Variants in AKAIN1 observed in about 807,000 individuals in gnomAD.
AKAIN1 encodes the protein A-kinase anchor protein inhibitor 1.
A neutral mutation model predicts 3.7 loss-of-function variants in AKAIN1; 3 were observed. The ratio of observed to expected loss-of-function variants is 0.82; its 90% CI spans 0.37 to 2.12. The LOEUF (loss-of-function observed/expected upper bound fraction) is 2.12. Ranked by LOEUF, AKAIN1 falls within the 30% of genes most tolerant of loss-of-function variation. The pLI is 0.06. For synonymous variants in AKAIN1, 31 were observed against 30.8 expected, an observed-to-expected ratio of 1.01 and a Z score of -0.02; for missense variants, 82 against 82.7, an observed-to-expected ratio of 0.99 and a Z score of 0.03.
At chr18:5,165,393 C>G (rs2071162269) in intron 1 of AKAIN1, among the ~76,000 whole-genome samples, 1 of 151,938 alleles carries the variant, frequency 6.6e-6, no homozygotes, top group Non-Finnish European at 1.5e-5. Flanking sequence ...TAAGAAAGAA[C>G]AGCAATGGCA....
At chr18:5,146,829 T>C (rs1392243119) in intron 1 of AKAIN1, among the ~76,000 whole-genome samples, 1 of 152,192 alleles carries the variant, frequency 6.6e-6, no homozygotes, top group Non-Finnish European at 1.5e-5. Context: ...AATAAAACTT[T>C]ATTTACAAAA....
At position 5,190,343 on chromosome 18, in the gene AKAIN1, A is replaced by C. The variant is rs188057002; in HGVS notation, c.16+6695T>G. Among the ~76,000 whole-genome samples the C allele has an allele frequency of 9.5e-4, 145 of 152,320 alleles. 2 individuals are homozygous for C. The East Asian group carries it at 0.024, about 25-fold the overall frequency. ...TATATTAAATAGAAAAGAGAATATT[A>C]CAAACAACTGTATTCATGAAAATTC... On this transcript the variant is annotated intron_variant, in intron 1 of 1. Transcript: ENST00000434239.
intron 1 of AKAIN1, among the ~76,000 whole-genome samples, chr18:5,173,296 A>G (rs2071207935): frequency 6.6e-6 from 1 of 152,174 alleles, no homozygotes; most frequent in African/African-American, 2.4e-5. Flanking sequence ...TGTATGTGTT[A>G]CATTTTATAG....
intron 1 of AKAIN1, among the ~76,000 whole-genome samples, chr18:5,155,085 A>G (rs2143318513): frequency 1.3e-5 from 2 of 152,162 alleles, no homozygotes; most frequent in Middle Eastern, 3.4e-3. Flanking sequence ...TTCCCATCCC[A>G]TCATTGCCCA....
chr18:5,156,264 C>T (rs2143321304), intron 1 of AKAIN1, among the ~76,000 whole-genome samples: 1 of 152,156 alleles, frequency 6.6e-6, no homozygotes, highest in East Asian at 1.9e-4. Flanking sequence ...ACAAAAAAAA[C>T]ACCCCCACCG....
At chr18:5,185,255 T>A (rs2071280233) in intron 1 of AKAIN1, among the ~76,000 whole-genome samples, 1 of 152,146 alleles carries the variant, frequency 6.6e-6, no homozygotes, top group Non-Finnish European at 1.5e-5. Context: ...GAAAATAACC[T>A]TGGAAATACC....
chr18:5,191,301 G>A (rs928864517), intron 1 of AKAIN1, among the ~76,000 whole-genome samples: 1 of 152,082 alleles, frequency 6.6e-6, no homozygotes, highest in African/African-American at 2.4e-5. Context: ...AGTGAAGCAA[G>A]AACATAGAAA....
intron 1 of AKAIN1, among the ~76,000 whole-genome samples, chr18:5,196,469 G>A (rs372331818): frequency 6.6e-6 from 1 of 152,234 alleles, no homozygotes. Context: ...CAGCGGCGCC[G>A]CAGTAGCTGC....
At chr18:5,166,133 T>C (rs1034167015) in intron 1 of AKAIN1, among the ~76,000 whole-genome samples, 3 of 152,044 alleles carry the variant, frequency 2.0e-5, no homozygotes, top group Non-Finnish European at 4.4e-5. Context: ...TAAGCATCTA[T>C]TAGTGTGAAG....
chr18:5,147,153 G>T (rs1382347486), intron 1 of AKAIN1, among the ~76,000 whole-genome samples: 14 of 152,214 alleles, frequency 9.2e-5, no homozygotes, highest in Non-Finnish European at 1.5e-5. Context: ...TTATTACAAG[G>T]ACCAGAGCCA....
In AKAIN1 at chr18:5,145,222, A is replaced by G. The variant is rs2143300438; in HGVS notation, c.*340T>C. 5.1e-6 allele frequency: 1 copy of G among 194,308 alleles called. No individual in the cohort carries two copies. The highest frequency in any genetic ancestry group is 1.3e-4 in the South Asian group (1 of 7,774). 12.0% of individuals were successfully genotyped at this position (194,308 alleles called of 1,614,324 possible). On this transcript the variant is annotated 3_prime_UTR_variant, in exon 2 of 2. Coordinates refer to ENST00000434239, the MANE Select transcript of AKAIN1 (RefSeq NM_001145194.2). ...CAAAAAGGCTGCTTGTTAAATTCACAGAAGGAACGCATAAAAGGCAGAAGT... is the reference window on the plus strand; with the variant it reads ...CAAAAAGGCTGCTTGTTAAATTCACGGAAGGAACGCATAAAAGGCAGAAGT...
chr18:5,155,940 C>G (rs1025591617), intron 1 of AKAIN1, among the ~76,000 whole-genome samples: 1 of 152,134 alleles, frequency 6.6e-6, no homozygotes, highest in Admixed American at 6.5e-5. Flanking sequence ...GAGACAAGGG[C>G]TGTTTTTATT....
chr18:5,156,041 G>A (rs454592), intron 1 of AKAIN1, among the ~76,000 whole-genome samples: 66,946 of 152,026 alleles, frequency 0.44, 17,514 homozygotes, highest in African/African-American at 0.74. Flanking sequence ...CATCCTCCCA[G>A]GAGTTCCGAA....
intron 1 of AKAIN1, among the ~76,000 whole-genome samples, chr18:5,172,881 G>T (rs545993684): frequency 1.3e-5 from 2 of 152,000 alleles, no homozygotes; most frequent in African/African-American, 4.8e-5. Flanking sequence ...AAATAGGTGT[G>T]GAATCTAAAT....
chr18:5,157,570 C>A (rs934151228), intron 1 of AKAIN1, among the ~76,000 whole-genome samples: 7 of 152,118 alleles, frequency 4.6e-5, no homozygotes, highest in Non-Finnish European at 7.4e-5. Flanking sequence ...CGTCCTCTCA[C>A]TTAGCAGACG....
intron 1 of AKAIN1, chr18:5,170,960 A>G (rs2071194432): frequency 6.6e-6 from 1 of 152,132 alleles, no homozygotes; most frequent in African/African-American, 2.4e-5. Flanking sequence ...CATGGGAGTG[A>G]ACAAGCCTCT....
intron 1 of AKAIN1, among the ~76,000 whole-genome samples, chr18:5,168,694 A>T (rs2071180405): frequency 6.6e-6 from 1 of 152,054 alleles, no homozygotes; most frequent in African/African-American, 2.4e-5. Context: ...AGACCAGGTA[A>T]TATCATCCCT....
intron 1 of AKAIN1, among the ~76,000 whole-genome samples, chr18:5,193,039 G>A (rs2071330568): frequency 6.6e-6 from 1 of 152,152 alleles, no homozygotes; most frequent in African/African-American, 2.4e-5. Context: ...AGTTATGACA[G>A]TCAGATATAT....
At chr18:5,173,017 T>A (rs1250350671) in intron 1 of AKAIN1, among the ~76,000 whole-genome samples, 1 of 152,148 alleles carries the variant, frequency 6.6e-6, no homozygotes, top group Non-Finnish European at 1.5e-5. Flanking sequence ...TATTTCACAG[T>A]TGGTTAAAAA....
Sources: gnomAD v4.1 joint callset for allele counts (sites outside exome capture counted in the v4.1 genomes callset) on GRCh38, gnomAD v4.1.1 for gene constraint, MANE v1.5 for transcripts, NCBI Gene and HGNC (gene_info 2026-07-23, HGNC 2026-07-21) for gene names.